Variants in SNTG1 observed in about 807,000 individuals in gnomAD.
The protein encoded by SNTG1 is syntrophin gamma 1.
SNTG1 carries 39 observed loss-of-function variants against 74.7 expected under a neutral mutation model. The ratio of observed to expected loss-of-function variants is 0.52; its 90% CI spans 0.40 to 0.68. The LOEUF is 0.68. Among genes scored for constraint, SNTG1 ranks in the 30% least tolerant of loss-of-function variants. The pLI is 0.00. For synonymous variants in SNTG1, 254 were observed against 217.1 expected, an observed-to-expected ratio of 1.17 and a Z score of -1.49; for missense variants, 685 against 609.5, an observed-to-expected ratio of 1.12 and a Z score of -1.30.
In SNTG1 at chr8:50,483,279, T is replaced by C. The variant is rs148909787; in HGVS notation, c.364-19499T>C. 1.8e-3 allele frequency among the ~76,000 whole-genome samples: 277 copies of C among 152,322 alleles called. 2 individuals are homozygous for C. Among genetic ancestry groups the C allele is most frequent in the African/African-American group, 6.1e-3 (255 of 41,574 alleles). On this transcript the variant is annotated intron_variant, in intron 8 of 18. Transcript: ENST00000642720. ...CCTCTCTGAAGGCTGAAATTTAAAG[T>C]GACTATGAAGTGATAGAATGGATCT...
intron 1 of SNTG1, among the ~76,000 whole-genome samples, chr8:50,018,806 T>C (rs1816570622): frequency 6.6e-6 from 1 of 151,920 alleles, no homozygotes; most frequent in Non-Finnish European, 1.5e-5. Context: ...ACTAAGATGG[T>C]TATAAACAAA....
chr8:50,663,596 T>C (rs958367577), intron 15 of SNTG1, among the ~76,000 whole-genome samples: 1 of 152,058 alleles, frequency 6.6e-6, no homozygotes, highest in Admixed American at 6.6e-5. Flanking sequence ...GAGCTGTAAC[T>C]CCCTAACACG....
chr8:50,206,716 C>G (rs28814121), intron 2 of SNTG1, among the ~76,000 whole-genome samples: 40 of 152,200 alleles, frequency 2.6e-4, no homozygotes, highest in African/African-American at 9.6e-4. Flanking sequence ...TCATAAATAG[C>G]TCTTATATTT....
chr8:49,928,844 C>A (rs1005767935), intron 1 of SNTG1, among the ~76,000 whole-genome samples: 42 of 151,858 alleles, frequency 2.8e-4, no homozygotes, highest in African/African-American at 1.0e-3. Context: ...TTAGGACATG[C>A]ATAATTTATA....
chr8:50,678,291 A>T (rs537097025), intron 15 of SNTG1, among the ~76,000 whole-genome samples: 1 of 152,142 alleles, frequency 6.6e-6, no homozygotes, highest in Admixed American at 6.6e-5. Context: ...AATTGAATTG[A>T]TATGTTCTAT....
chr8:50,114,484 T>A (rs1197883164), intron 1 of SNTG1, among the ~76,000 whole-genome samples: 1 of 152,078 alleles, frequency 6.6e-6, no homozygotes, highest in Non-Finnish European at 1.5e-5. Flanking sequence ...GTCAAACCCA[T>A]AGAAGCAGCA....
chr8:49,967,851 G>T (rs1173124168), intron 1 of SNTG1, among the ~76,000 whole-genome samples: 2 of 152,092 alleles, frequency 1.3e-5, no homozygotes, highest in South Asian at 2.1e-4. Context: ...ATTACATCTC[G>T]CTACTGACAT....
At chr8:50,098,227 GA>G (rs1194137612) in intron 1 of SNTG1, among the ~76,000 whole-genome samples, 1 of 152,020 alleles carries the variant, frequency 6.6e-6, no homozygotes, top group Admixed American at 6.6e-5. Context: ...TGCTGGTCAA[GA>G]AAAGACCATA....
At chr8:50,613,016 C>G (rs1246214131) in intron 13 of SNTG1, among the ~76,000 whole-genome samples, 1 of 152,138 alleles carries the variant, frequency 6.6e-6, no homozygotes, top group Non-Finnish European at 1.5e-5. Context: ...GTTACCAAGG[C>G]TGCTTCTTAG....
chr8:50,183,905 A>T (rs1332022595), intron 2 of SNTG1, among the ~76,000 whole-genome samples: 3 of 152,230 alleles, frequency 2.0e-5, no homozygotes, highest in East Asian at 1.9e-4. Context: ...CAGCATTAAT[A>T]AAAAAATTAC....
At chr8:50,011,817 G>A (rs1278656041) in intron 1 of SNTG1, 1 of 152,170 alleles carries the variant, frequency 6.6e-6, no homozygotes, top group African/African-American at 2.4e-5. Context: ...TGTGCTGAGA[G>A]CATAGCAATG....
chr8:49,984,142 A>G (rs1458714307), intron 1 of SNTG1, among the ~76,000 whole-genome samples: 1 of 152,064 alleles, frequency 6.6e-6, no homozygotes, highest in East Asian at 1.9e-4. Flanking sequence ...TGTTTTTACT[A>G]TTTCTAAACA....
intron 2 of SNTG1, among the ~76,000 whole-genome samples, chr8:50,187,367 T>A (rs1446934373): frequency 6.6e-6 from 1 of 151,952 alleles, no homozygotes; most frequent in Admixed American, 6.6e-5. Flanking sequence ...ACACCACACA[T>A]CTACAACGAT....
At chr8:49,949,339 T>C (rs982170570) in intron 1 of SNTG1, among the ~76,000 whole-genome samples, 9 of 152,226 alleles carry the variant, frequency 5.9e-5, no homozygotes, top group Non-Finnish European at 1.0e-4. Context: ...AATTTACAGC[T>C]TAATTGAAAA....
chr8:50,122,893 T>C (rs1007360380), intron 1 of SNTG1, among the ~76,000 whole-genome samples: 2 of 142,564 alleles, frequency 1.4e-5, no homozygotes, highest in Non-Finnish European at 3.1e-5. Context: ...TTGCTTTGCA[T>C]ATAAAATGGG....
At chr8:50,243,833 T>C (rs2086272671) in intron 2 of SNTG1, among the ~76,000 whole-genome samples, 1 of 152,152 alleles carries the variant, frequency 6.6e-6, no homozygotes, top group Non-Finnish European at 1.5e-5. Context: ...TGATTGAGGA[T>C]AGGAATAACT....
intron 15 of SNTG1, among the ~76,000 whole-genome samples, chr8:50,681,981 A>G (rs7012490): frequency 0.044 from 6,712 of 152,270 alleles, 397 homozygotes; most frequent in African/African-American, 0.12. Flanking sequence ...GAAATGTTTT[A>G]TCATGACCCA....
intron 1 of SNTG1, among the ~76,000 whole-genome samples, chr8:50,155,895 T>C (rs2082238477): frequency 6.6e-6 from 1 of 151,786 alleles, no homozygotes; most frequent in Admixed American, 6.6e-5. Context: ...CTAGTTAGAA[T>C]TGTAAAAGAA....
rs536340232 is a variant in SNTG1, at chr8:50,412,912, GC to G, written c.162+10569del. ...GGTTGTGGTGCCATCAATAAAGGGA[GC>G]AATTTAAGTAGGAAAATCAGGTTTT... On this transcript the variant is annotated intron_variant, in intron 4 of 18. Transcript: ENST00000642720. Among the ~76,000 whole-genome samples the G allele has an allele frequency of 7.9e-5, 12 of 152,282 alleles. No individual in the cohort carries two copies. In the South Asian group the frequency reaches 2.3e-3, roughly 29 times the overall value.
Sources: allele counts gnomAD v4.1 joint callset (sites outside exome capture counted in the v4.1 genomes callset), GRCh38; gene constraint gnomAD v4.1.1; transcripts MANE v1.5; gene names NCBI Gene and HGNC (gene_info 2026-07-23, HGNC 2026-07-21).